FSTL5: variants seen among roughly 807,000 people sequenced by gnomAD.
The protein encoded by FSTL5 is follistatin-related protein 5.
FSTL5 carries 62 observed loss-of-function variants against 89.1 expected under a neutral mutation model. That is an observed-to-expected ratio of 0.70 (90% CI 0.57 to 0.86). The LOEUF is 0.86. Among genes scored for constraint, FSTL5 ranks in the 40% least tolerant of loss-of-function variants. The pLI is 0.00. For synonymous variants in FSTL5, 383 were observed against 346.2 expected (o/e 1.11, Z -1.18); for missense variants, 1,057 against 1,001.6 (o/e 1.06, Z -0.75).
chr4:161,629,691 G>A (rs1735436932), intron 7 of FSTL5, among the ~76,000 whole-genome samples: 2 of 152,070 alleles, frequency 1.3e-5, no homozygotes, highest in Non-Finnish European at 2.9e-5. Context: ...GAAGAAAATG[G>A]GATTTTTTTC....
In FSTL5 at chr4:162,012,269, G is replaced by T. The variant is rs1050801597; in HGVS notation, c.160+21356C>A. ...CAGGTGAGGACAAGGAAAAAATATA[G>T]TTTATTTTGAGGAACATGCTACCAC... On this transcript the variant is annotated intron_variant, in intron 3 of 15. Coordinates refer to ENST00000306100, the MANE Select transcript of FSTL5 (RefSeq NM_020116.5). Among the ~76,000 whole-genome samples the T allele has an allele frequency of 2.0e-5, 3 of 152,134 alleles. No homozygotes were observed. The East Asian group carries it at 5.8e-4, about 29-fold the overall frequency.
chr4:161,750,750 G>T (rs1042915054), intron 6 of FSTL5, among the ~76,000 whole-genome samples: 2 of 151,964 alleles, frequency 1.3e-5, no homozygotes, highest in African/African-American at 4.8e-5. Flanking sequence ...AATCTAAAAA[G>T]GTCTGAAAAA....
chr4:161,718,330 C>A (rs1485090157), intron 6 of FSTL5, among the ~76,000 whole-genome samples: 1 of 151,962 alleles, frequency 6.6e-6, no homozygotes, highest in Admixed American at 6.6e-5. Context: ...CATCTTGGGG[C>A]AATTTGGAAG....
Position 161,567,768 on chromosome 4 carries a change from C to T in FSTL5, c.1015+19687G>A, listed in dbSNP as rs542535642. ...AATAATAGTATCTGAGAATGAGTCACCTATCTGAGATTTGCTCCTATAAAC... is the reference window on the plus strand; with the variant it reads ...AATAATAGTATCTGAGAATGAGTCATCTATCTGAGATTTGCTCCTATAAAC... On this transcript the variant is annotated intron_variant, in intron 8 of 15. Transcript: ENST00000306100. 4.1e-5 allele frequency among the ~76,000 whole-genome samples: 6 copies of T among 146,446 alleles called. No individual in the cohort carries two copies. The Admixed American group carries it at 4.2e-4, about 10-fold the overall frequency.
chr4:161,830,861 A>T (rs1730822079), intron 4 of FSTL5, among the ~76,000 whole-genome samples: 1 of 151,962 alleles, frequency 6.6e-6, no homozygotes, highest in African/African-American at 2.4e-5. Flanking sequence ...TGGGGTTGGA[A>T]GGTGTTAGAA....
chr4:161,696,763 G>T (rs548567917), intron 6 of FSTL5, among the ~76,000 whole-genome samples: 4 of 152,242 alleles, frequency 2.6e-5, no homozygotes, highest in African/African-American at 7.2e-5. Flanking sequence ...GTTGCTGTTG[G>T]TGTATAGAAG....
chr4:161,402,086 G>A (rs1331462241), intron 15 of FSTL5, among the ~76,000 whole-genome samples: 1 of 152,038 alleles, frequency 6.6e-6, no homozygotes, highest in Non-Finnish European at 1.5e-5. Flanking sequence ...TAGATGAAAG[G>A]CACAAAGGAA....
At chr4:161,482,261 A>G (rs1729535991) in intron 12 of FSTL5, among the ~76,000 whole-genome samples, 1 of 152,148 alleles carries the variant, frequency 6.6e-6, no homozygotes, top group African/African-American at 2.4e-5. Context: ...TCTTGCAGTG[A>G]GCCAAGATCG....
intron 6 of FSTL5, among the ~76,000 whole-genome samples, chr4:161,714,970 T>A (rs576689023): frequency 6.6e-6 from 1 of 152,230 alleles, no homozygotes; most frequent in African/African-American, 2.4e-5. Context: ...TTTTTTAAAG[T>A]TTTACTCAAT....
rs530559019 is a variant in FSTL5, at chr4:161,607,338, G to A, written c.895-19763C>T. Among the ~76,000 whole-genome samples, 256 of 152,222 alleles carry A rather than the reference G, an allele frequency of 1.7e-3. 1 individual carries two copies. The highest frequency in any genetic ancestry group is 5.7e-3 in the African/African-American group (239 of 41,572). On this transcript the variant is annotated intron_variant, in intron 7 of 15. Transcript: ENST00000306100. ...TGTGCAGCTAGATGACACTGCTGTT[G>A]TTGACCCAGCTGCCTTTTTTAAGTC...
intron 2 of FSTL5, among the ~76,000 whole-genome samples, chr4:162,091,352 T>G (rs11935102): frequency 6.6e-6 from 1 of 152,118 alleles, no homozygotes; most frequent in African/African-American, 2.4e-5. Context: ...GTTTTAAATA[T>G]CTAAACCTCG....
chr4:162,017,994 T>C (rs1578950977), intron 3 of FSTL5, among the ~76,000 whole-genome samples: 1 of 152,282 alleles, frequency 6.6e-6, no homozygotes, highest in East Asian at 1.9e-4. Flanking sequence ...TGACTTTGTC[T>C]GTTCCCCTCC....
chr4:162,125,430 A>G (rs1447880087), intron 1 of FSTL5, among the ~76,000 whole-genome samples: 1 of 152,182 alleles, frequency 6.6e-6, no homozygotes. Context: ...TCTTGTAGAA[A>G]GTAAACTATG....
At chr4:161,424,531 TAA>T (rs10570017) in intron 15 of FSTL5, among the ~76,000 whole-genome samples, 23,472 of 148,856 alleles carry the variant, frequency 0.16, 2,336 homozygotes, top group African/African-American at 0.27. Context: ...CTCCTTTAAA[TAA>T]AAAAAAAAAA....
chr4:161,896,812 T>C (rs991549062), intron 4 of FSTL5, among the ~76,000 whole-genome samples: 2 of 152,204 alleles, frequency 1.3e-5, no homozygotes, highest in African/African-American at 4.8e-5. Context: ...ACTTATATCC[T>C]ACATTTTTAA....
rs70937692 is a variant in FSTL5, at chr4:161,866,465, A to AGTGTGTGTGTGTGT, written c.409+53925_409+53938dup. On this transcript the variant is annotated intron_variant, in intron 4 of 15. Transcript: ENST00000306100. The stretch of plus-strand genomic sequence containing the variant: ...GGTGTTTTATAGTGTTCTAAGCTGT[A>AGTGTGTGTGTGTGT]GTGTGTGTGTGTGTGTGTGTGTGTG... Among the ~76,000 whole-genome samples the AGTGTGTGTGTGTGT allele has an allele frequency of 6.8e-3, 894 of 131,916 alleles. 9 individuals carry two copies. The highest frequency in any genetic ancestry group is 0.018 in the East Asian group (72 of 4,104). The allele number at this position is 131,916 out of a possible 152,430, so 86.5% of individuals were successfully genotyped here. A position where few individuals can be genotyped will look rare whatever the true frequency, so the allele number is the denominator to read the frequency against.
chr4:161,590,636 A>T (rs538381868), intron 7 of FSTL5, among the ~76,000 whole-genome samples: 2 of 152,382 alleles, frequency 1.3e-5, no homozygotes, highest in African/African-American at 4.8e-5. Context: ...CAATAAGCAC[A>T]TAAAAGCATG....
chr4:161,404,842 C>T (rs750932732), intron 15 of FSTL5, among the ~76,000 whole-genome samples: 2 of 151,420 alleles, frequency 1.3e-5, no homozygotes, highest in Non-Finnish European at 2.9e-5. Context: ...CTAGGAAAGT[C>T]GGACCACACC....
intron 15 of FSTL5, among the ~76,000 whole-genome samples, chr4:161,424,993 T>C (rs190641439): frequency 6.6e-6 from 1 of 152,344 alleles, no homozygotes; most frequent in African/African-American, 2.4e-5. Flanking sequence ...ATTCACTGTT[T>C]TGCCATTGCC....
Sources: gnomAD v4.1 joint callset for allele counts (sites outside exome capture counted in the v4.1 genomes callset) on GRCh38, gnomAD v4.1.1 for gene constraint, MANE v1.5 for transcripts, NCBI Gene and HGNC (gene_info 2026-07-23, HGNC 2026-07-21) for gene names.